Variants in BTBD9 observed in about 807,000 individuals in gnomAD.
BTBD9 encodes BTB domain containing 9.
A neutral mutation model predicts 64.3 loss-of-function variants in BTBD9; 49 were observed. The observed-to-expected ratio is 0.76, with a 90% CI of 0.61 to 0.97. The LOEUF (loss-of-function observed/expected upper bound fraction) is 0.97, where lower values mean the gene tolerates loss of function less well. Among genes scored for constraint, BTBD9 ranks in the 50% least tolerant of loss-of-function variants. The pLI is 0.00. For synonymous variants in BTBD9, 260 were observed against 274.7 expected (o/e 0.95, Z 0.53); for missense variants, 598 against 762.1 (o/e 0.78, Z 2.53).
intron 6 of BTBD9, among the ~76,000 whole-genome samples, chr6:38,478,719 A>C (rs1381625799): frequency 6.6e-6 from 1 of 152,206 alleles, no homozygotes; most frequent in Non-Finnish European, 1.5e-5. Flanking sequence ...AGCTACAGGG[A>C]AGAGCTAAGA....
chr6:38,389,548 G>T (rs1230114334), intron 6 of BTBD9, among the ~76,000 whole-genome samples: 1 of 152,030 alleles, frequency 6.6e-6, no homozygotes, highest in Non-Finnish European at 1.5e-5. Context: ...GTCACTTCAT[G>T]GTATGCAAAT....
chr6:38,485,417 T>C (rs1232174671), intron 6 of BTBD9, among the ~76,000 whole-genome samples: 2 of 152,248 alleles, frequency 1.3e-5, no homozygotes, highest in African/African-American at 2.4e-5. Context: ...GCTATAGCCT[T>C]ACAAAATGTA....
chr6:38,501,813 G>T (rs1262512161), intron 6 of BTBD9, among the ~76,000 whole-genome samples: 5 of 144,902 alleles, frequency 3.5e-5, no homozygotes, highest in African/African-American at 1.3e-4. Context: ...ATTAAGATTT[G>T]CAAGGCTACT....
At chr6:38,527,682 C>T (rs1037880197) in intron 6 of BTBD9, among the ~76,000 whole-genome samples, 7 of 152,000 alleles carry the variant, frequency 4.6e-5, no homozygotes, top group African/African-American at 1.7e-4. Context: ...ATCTTTACAG[C>T]AGTGTGAAAA....
At chr6:38,191,831 G>A (rs1762086842) in intron 10 of BTBD9, among the ~76,000 whole-genome samples, 1 of 152,198 alleles carries the variant, frequency 6.6e-6, no homozygotes, top group Non-Finnish European at 1.5e-5. Context: ...GTGCCGTGGA[G>A]CTTCATTTAT....
intron 9 of BTBD9, among the ~76,000 whole-genome samples, chr6:38,233,600 C>T (rs1166177180): frequency 1.3e-5 from 2 of 152,258 alleles, no homozygotes; most frequent in African/African-American, 2.4e-5. Flanking sequence ...TGTGGCCTTA[C>T]TTGGCCTGCC....
rs1764444364 is a variant in BTBD9 at position 38,350,101 on chromosome 6, T to C, written c.1155-5008A>G. Among the ~76,000 whole-genome samples the C allele has an allele frequency of 5.3e-5, 8 of 152,306 alleles. 1 individual carries two copies. The South Asian group carries it at 1.2e-3, about 24-fold the overall frequency. ...ATGTGGTCCAGCTAACCATACCCAG[T>C]GACGTGGTTCTTTTTTTGTAAGCCC... On this transcript the variant is annotated intron_variant, in intron 6 of 10. Coordinates refer to ENST00000481247, the MANE Select transcript of BTBD9 (RefSeq NM_001099272.2).
intron 6 of BTBD9, among the ~76,000 whole-genome samples, chr6:38,429,519 T>C (rs1768346040): frequency 6.6e-6 from 1 of 151,424 alleles, no homozygotes. Context: ...ATTGAGCACC[T>C]TGCACACATA....
At chr6:38,417,233 C>T (rs533915292) in intron 6 of BTBD9, among the ~76,000 whole-genome samples, 3 of 152,306 alleles carry the variant, frequency 2.0e-5, no homozygotes, top group Admixed American at 2.0e-4. Flanking sequence ...CATGAGCTAC[C>T]CTGCCCACGC....
At chr6:38,629,912 A>G (rs1778305122) in intron 1 of BTBD9, among the ~76,000 whole-genome samples, 1 of 151,824 alleles carries the variant, frequency 6.6e-6, no homozygotes, top group East Asian at 1.9e-4. Context: ...ACTATTCTAG[A>G]TTAAAGGAGA....
At chr6:38,472,795 A>G (rs1306299273) in intron 6 of BTBD9, among the ~76,000 whole-genome samples, 1 of 152,204 alleles carries the variant, frequency 6.6e-6, no homozygotes, top group Non-Finnish European at 1.5e-5. Context: ...TGCTCAAGTC[A>G]TAATCAAGCC....
intron 6 of BTBD9, among the ~76,000 whole-genome samples, chr6:38,445,661 C>G (rs1347285018): frequency 1.3e-5 from 2 of 152,146 alleles, no homozygotes; most frequent in African/African-American, 4.8e-5. Flanking sequence ...TGTATCATCA[C>G]AGTTTTTTCA....
chr6:38,472,723 T>C (rs1770705041), intron 6 of BTBD9, among the ~76,000 whole-genome samples: 1 of 152,164 alleles, frequency 6.6e-6, no homozygotes, highest in Admixed American at 6.5e-5. Flanking sequence ...AAAAATACGC[T>C]AGGCCTGCAA....
intron 4 of BTBD9, 107 bp downstream of exon 4, chr6:38,592,469 A>G: frequency 8.3e-7 from 1 of 1,204,468 alleles, no homozygotes; most frequent in South Asian, 1.4e-5. Context: ...AAACGTACAT[A>G]TTTCATGTAC....
At chr6:38,193,186 C>T (rs1216702310) in intron 9 of BTBD9, among the ~76,000 whole-genome samples, 2 of 152,190 alleles carry the variant, frequency 1.3e-5, no homozygotes, top group South Asian at 2.1e-4. Context: ...TGACCTCAGT[C>T]GTTCATCAGA....
chr6:38,187,528 G>A (rs114768064), intron 10 of BTBD9, among the ~76,000 whole-genome samples: 182 of 152,274 alleles, frequency 1.2e-3, no homozygotes, highest in African/African-American at 4.1e-3. Context: ...CGGGGGAAGC[G>A]TTTGAGGGTA....
intron 7 of BTBD9, among the ~76,000 whole-genome samples, chr6:38,293,504 A>AT (rs1240103089): frequency 1.3e-5 from 2 of 152,190 alleles, no homozygotes; most frequent in Non-Finnish European, 2.9e-5. Flanking sequence ...AGGCCTCAGA[A>AT]ATAATGCCAC....
chr6:38,367,352 T>G (rs1316787530), intron 6 of BTBD9, among the ~76,000 whole-genome samples: 1 of 152,222 alleles, frequency 6.6e-6, no homozygotes, highest in East Asian at 1.9e-4. Flanking sequence ...TGCTACTTTA[T>G]AGTGACTTAG....
At chr6:38,626,086 T>A (rs1189389468) in intron 1 of BTBD9, among the ~76,000 whole-genome samples, 1 of 152,232 alleles carries the variant, frequency 6.6e-6, no homozygotes. Context: ...CCCAAGCCAA[T>A]GTCCCCAGAG....
Sources: allele counts gnomAD v4.1 joint callset (sites outside exome capture counted in the v4.1 genomes callset), GRCh38; gene constraint gnomAD v4.1.1; transcripts MANE v1.5; gene names NCBI Gene and HGNC (gene_info 2026-07-23, HGNC 2026-07-21).